MTDH: variants seen among roughly 807,000 people sequenced by gnomAD.
The protein encoded by MTDH is protein LYRIC.
MTDH carries 34 observed loss-of-function variants against 72.7 expected under a neutral mutation model. That is an observed-to-expected ratio of 0.47 (90% CI 0.36 to 0.62). MTDH has a LOEUF of 0.62. Ranked by LOEUF, MTDH falls within the 20% of genes least tolerant of loss-of-function variation. The pLI, the probability that MTDH is intolerant of heterozygous loss-of-function variation, is 0.00. For synonymous variants in MTDH, 266 were observed against 268.9 expected (o/e 0.99, Z 0.10); for missense variants, 677 against 699.4 (o/e 0.97, Z 0.36).
rs1814372240 is a variant in MTDH, at chr8:97,706,757, A to G, written c.1272+7A>G. On this transcript the variant is annotated splice_region_variant and intron_variant, in intron 8 of 11. Transcript: ENST00000336273. ...AATTCCTGATGATCAAAAGGTGAGT[A>G]TAAGAGATTCCTGGGTGTTTATTTG... The G allele has an allele frequency of 6.2e-7, 1 of 1,610,652 alleles. No homozygotes were observed. The highest frequency in any genetic ancestry group is 8.5e-7 in the Non-Finnish European group (1 of 1,178,630).
intron 2 of MTDH, among the ~76,000 whole-genome samples, chr8:97,671,891 G>T (rs1428813678): frequency 6.6e-6 from 1 of 152,084 alleles, no homozygotes; most frequent in Non-Finnish European, 1.5e-5. Context: ...TACATTTTAG[G>T]AATCTAAAAG....
intron 6 of MTDH, among the ~76,000 whole-genome samples, chr8:97,696,646 A>C (rs1813844107): frequency 6.6e-6 from 1 of 152,104 alleles, no homozygotes. Flanking sequence ...GTTCACCGTT[A>C]CTCATCATGA....
intron 6 of MTDH, chr8:97,696,288 T>A (rs1777380677): frequency 1.0e-6 from 1 of 985,182 alleles, no homozygotes; most frequent in African/African-American, 1.7e-5. Flanking sequence ...AACTCTGCTG[T>A]TTCTGGTATG....
chr8:97,678,708 G>A (rs1812954262), intron 2 of MTDH, among the ~76,000 whole-genome samples: 1 of 146,858 alleles, frequency 6.8e-6, no homozygotes. Context: ...CAATATTTCG[G>A]GATTACAGGC....
At chr8:97,707,743 A>G (rs1219877510) in intron 8 of MTDH, among the ~76,000 whole-genome samples, 1 of 152,000 alleles carries the variant, frequency 6.6e-6, no homozygotes, top group Non-Finnish European at 1.5e-5. Context: ...AGGATCCGGA[A>G]TAAACTAAAA....
At chr8:97,716,418 C>T (rs762922302) in intron 9 of MTDH, among the ~76,000 whole-genome samples, 1 of 151,214 alleles carries the variant, frequency 6.6e-6, no homozygotes, top group Non-Finnish European at 1.5e-5. Flanking sequence ...AGGCCGGGTG[C>T]GGTGGCTCAT....
At chr8:97,683,631 T>G (rs1813230199) in intron 2 of MTDH, among the ~76,000 whole-genome samples, 1 of 151,944 alleles carries the variant, frequency 6.6e-6, no homozygotes, top group South Asian at 2.1e-4. Flanking sequence ...TGAGCTCAAG[T>G]GATCCTCCCA....
At position 97,725,949 on chromosome 8, in the gene MTDH, G is replaced by C. The variant is rs1815333406; in HGVS notation, c.*1279G>C. On this transcript the variant is annotated 3_prime_UTR_variant, in exon 12 of 12. Transcript: ENST00000336273. ...CATAATTAACATCACTTAGTGAATT[G>C]TGATAAAGAAAAAAAAGCCATGATT... is the stretch of plus-strand genomic sequence containing the variant. The C allele has an allele frequency of 6.6e-6, 1 of 152,508 alleles. No homozygotes were observed. Among genetic ancestry groups the C allele is most frequent in the African/African-American group, 2.4e-5 (1 of 41,414 alleles). 9.4% of individuals were successfully genotyped at this position (152,508 alleles called of 1,614,324 possible).
chr8:97,689,040 G>T lies in MTDH; in HGVS notation c.748G>T (p.Asp250Tyr). The T allele has an allele frequency of 6.5e-7, 1 of 1,541,576 alleles. No homozygotes were observed. Among genetic ancestry groups the T allele is most frequent in the Non-Finnish European group, 8.9e-7 (1 of 1,124,358 alleles). ...FPVGSKKNKG[D>Y]SHLNVQVSNF... Reference sequence around the variant, plus strand: ...AATTTTATTTCTATTTTAACCAGGTGATTCTCATCTAAATGTTCAAGTTAG... The same window carrying T: ...AATTTTATTTCTATTTTAACCAGGTTATTCTCATCTAAATGTTCAAGTTAG... Residue 250 changes from aspartate (D) to tyrosine (Y), a missense_variant and splice_region_variant, in exon 5 of 12, where the codon GAT (aspartate) becomes TAT (tyrosine). Coordinates refer to ENST00000336273, the MANE Select transcript of MTDH (RefSeq NM_178812.4).
At chr8:97,721,830 A>G (rs1408736495) in intron 10 of MTDH, among the ~76,000 whole-genome samples, 1 of 152,202 alleles carries the variant, frequency 6.6e-6, no homozygotes, top group Non-Finnish European at 1.5e-5. Context: ...TGCCTTAAGC[A>G]TTCCAATTTC....
chr8:97,690,377 T>C (rs1424782015), intron 5 of MTDH, among the ~76,000 whole-genome samples: 1 of 152,162 alleles, frequency 6.6e-6, no homozygotes, highest in Non-Finnish European at 1.5e-5. Context: ...ACATTAGTTA[T>C]CCAGGAAGCT....
At position 97,691,098 on chromosome 8, in the gene MTDH, T is replaced by C; in HGVS notation, c.958T>C (p.Ser320Pro). Residue 320 changes from serine to proline, a missense_variant, in exon 6 of 12, where the codon TCT becomes CCT. Ser to Pro is a moderately conservative substitution (Grantham distance 74). Transcript: ENST00000336273. ...ASAGKRKTEP[S>P]AWSQDTGDAN... ...TGCAGGAAAGAGGAAAACTGAGCCA[T>C]CTGCCTGGAGTCAAGACACTGGAGA... 4 of 1,614,164 alleles carry C rather than the reference T, an allele frequency of 2.5e-6. No individual in the cohort carries two copies. The highest frequency in any genetic ancestry group is 3.4e-6 in the Non-Finnish European group (4 of 1,180,026).
intron 4 of MTDH, among the ~76,000 whole-genome samples, chr8:97,688,726 C>T (rs1024482202): frequency 3.3e-5 from 5 of 152,088 alleles, no homozygotes; most frequent in Non-Finnish European, 7.3e-5. Context: ...TTACAGAGCC[C>T]AATACTGCAG....
intron 7 of MTDH, 65 bp downstream of exon 7, chr8:97,699,917 A>T: frequency 9.9e-7 from 1 of 1,009,170 alleles, no homozygotes; most frequent in Non-Finnish European, 1.5e-6. Flanking sequence ...CCCTGAATTC[A>T]TGCTTTATGT....
rs773532422 is a variant in MTDH at position 97,644,648 on chromosome 8, C to A, written c.142C>A (p.Pro48Thr). Residue 48 changes from proline to threonine, a missense_variant, in exon 1 of 12, where the codon CCC becomes ACC. By Grantham distance (38) the Pro-to-Thr change is conservative. Around this residue, in one of 3 missense-constraint regions of MTDH, gnomAD observed 467 missense variants for 469.1 expected, o/e 1.00. Transcript: ENST00000336273. ...LDLGLEPKRY[P>T]GWVILVGTGA... is the part of the protein sequence containing the mutation. ...CCTGGGGCTGGAGCCGAAACGGTAC[C>A]CCGGCTGGGTGATCCTGGTGGGCAC... The A allele has an allele frequency of 1.9e-6, 3 of 1,609,888 alleles. No individual in the cohort carries two copies. The highest frequency in any genetic ancestry group is 8.5e-7 in the Non-Finnish European group (1 of 1,179,056).
intron 6 of MTDH, chr8:97,696,371 CAA>C: frequency 1.6e-6 from 1 of 639,278 alleles, no homozygotes; most frequent in Non-Finnish European, 1.9e-6. Context: ...AAAAACTAAT[CAA>C]CATCAAGTAC....
intron 7 of MTDH, chr8:97,706,378 G>A (rs951755479): frequency 8.4e-6 from 2 of 237,820 alleles, no homozygotes; most frequent in Non-Finnish European, 1.6e-5. Context: ...CACAGAGAGT[G>A]GAATCAAATG....
At chr8:97,697,233 T>C (rs1813897487) in intron 6 of MTDH, among the ~76,000 whole-genome samples, 1 of 146,940 alleles carries the variant, frequency 6.8e-6, no homozygotes, top group African/African-American at 2.5e-5. Flanking sequence ...GTCAGCAAAC[T>C]TTTTGTATAA....
At chr8:97,673,673 GA>G (rs1812725917) in intron 2 of MTDH, among the ~76,000 whole-genome samples, 1 of 142,526 alleles carries the variant, frequency 7.0e-6, no homozygotes, top group African/African-American at 2.6e-5. Context: ...GCGGGGCGGG[GA>G]AGGGGGGGCA....
Sources: gnomAD v4.1 joint callset for allele counts (sites outside exome capture counted in the v4.1 genomes callset) on GRCh38, gnomAD v4.1.1 for gene constraint, gnomAD v4.1.1 regional missense constraint, MANE v1.5 for transcripts, NCBI Gene and HGNC (gene_info 2026-07-23, HGNC 2026-07-21) for gene names.